The following SPAG16 variants were observed in gnomAD, a reference collection of about 807,000 sequenced individuals.
The protein encoded by SPAG16 is sperm-associated antigen 16 protein.
SPAG16 carries 86 observed loss-of-function variants against 80.4 expected under a neutral mutation model. The ratio of observed to expected loss-of-function variants is 1.07; its 90% CI spans 0.90 to 1.28. The LOEUF (loss-of-function observed/expected upper bound fraction) is 1.28. Ranked by LOEUF, SPAG16 falls within the 50% of genes most tolerant of loss-of-function variation. The pLI, the probability that SPAG16 is intolerant of heterozygous loss-of-function variation, is 0.00. For synonymous variants in SPAG16, 294 were observed against 265.9 expected, an observed-to-expected ratio of 1.11 and a Z score of -1.03; for missense variants, 870 against 765.3, an observed-to-expected ratio of 1.14 and a Z score of -1.61.
chr2:213,344,829 G>T (rs573399499), intron 6 of SPAG16, among the ~76,000 whole-genome samples: 2 of 152,010 alleles, frequency 1.3e-5, no homozygotes, highest in Admixed American at 1.3e-4. Flanking sequence ...GAATAGTGCC[G>T]CAATAAACAT....
chr2:213,727,689 G>A (rs914502185), intron 10 of SPAG16, among the ~76,000 whole-genome samples: 2 of 152,138 alleles, frequency 1.3e-5, no homozygotes, highest in Admixed American at 6.6e-5. Flanking sequence ...GCTATTCCAA[G>A]GATTTTGGTT....
At chr2:214,050,002 C>A (rs2049554475) in intron 13 of SPAG16, among the ~76,000 whole-genome samples, 1 of 152,106 alleles carries the variant, frequency 6.6e-6, no homozygotes, top group African/African-American at 2.4e-5. Context: ...TCATTCCTTT[C>A]AGTGAGAGCT....
At chr2:213,349,685 T>C (rs2065216708) in intron 6 of SPAG16, among the ~76,000 whole-genome samples, 1 of 152,160 alleles carries the variant, frequency 6.6e-6, no homozygotes, top group African/African-American at 2.4e-5. Context: ...CATTGTGGAA[T>C]ATACATACAT....
At chr2:213,624,626 G>T (rs890966611) in intron 10 of SPAG16, among the ~76,000 whole-genome samples, 3 of 152,176 alleles carry the variant, frequency 2.0e-5, no homozygotes, top group Non-Finnish European at 4.4e-5. Context: ...CAGAGCTGCG[G>T]TTTGAACCTA....
intron 9 of SPAG16, among the ~76,000 whole-genome samples, chr2:213,478,356 G>A (rs2073543435): frequency 6.6e-6 from 1 of 152,270 alleles, no homozygotes; most frequent in South Asian, 2.1e-4. Flanking sequence ...CACCTGAGCT[G>A]TTTAGATATC....
At chr2:213,501,489 AT>A (rs752199548) in intron 10 of SPAG16, among the ~76,000 whole-genome samples, 3 of 152,172 alleles carry the variant, frequency 2.0e-5, no homozygotes, top group Non-Finnish European at 2.9e-5. Flanking sequence ...TCTTCCTAAT[AT>A]TTTCTTATGC....
At chr2:213,667,128 G>T (rs1415416378) in intron 10 of SPAG16, among the ~76,000 whole-genome samples, 1 of 152,170 alleles carries the variant, frequency 6.6e-6, no homozygotes, top group Non-Finnish European at 1.5e-5. Context: ...TATAGAAAAA[G>T]TGTTTTAAAA....
Position 213,339,036 on chromosome 2 carries a change from A to G in SPAG16, c.537-1127A>G, listed in dbSNP as rs1202540261. On this transcript the variant is annotated intron_variant, in intron 5 of 15. Transcript: ENST00000331683. Reference sequence around the variant, plus strand: ...GTGCCCCAGAACTTAAAAAAAAAAAAAAGAAAAGAAGAAAGAAACTTGGAA... The same window carrying G: ...GTGCCCCAGAACTTAAAAAAAAAAAGAAGAAAAGAAGAAAGAAACTTGGAA... 2.0e-5 allele frequency among the ~76,000 whole-genome samples: 3 copies of G among 152,066 alleles called. No homozygotes were observed. The East Asian group carries it at 5.8e-4, about 29-fold the overall frequency.
intron 11 of SPAG16, among the ~76,000 whole-genome samples, chr2:213,891,454 C>A (rs1437189236): frequency 6.6e-6 from 1 of 151,786 alleles, no homozygotes. Flanking sequence ...GTGATCTGAC[C>A]CTACACTGAC....
intron 13 of SPAG16, among the ~76,000 whole-genome samples, chr2:214,038,840 G>A (rs2125081964): frequency 6.6e-6 from 1 of 152,166 alleles, no homozygotes; most frequent in Non-Finnish European, 1.5e-5. Context: ...ATGGTTTCCA[G>A]CTTCATCCAT....
At chr2:214,026,569 G>T (rs951802613) in intron 13 of SPAG16, among the ~76,000 whole-genome samples, 2 of 151,446 alleles carry the variant, frequency 1.3e-5, no homozygotes, top group African/African-American at 2.4e-5. Context: ...TAATATATAG[G>T]TTTAATGAAA....
At chr2:213,966,978 A>G (rs1275629379) in intron 12 of SPAG16, among the ~76,000 whole-genome samples, 1 of 152,178 alleles carries the variant, frequency 6.6e-6, no homozygotes, top group Admixed American at 6.5e-5. Context: ...TGCAGGTCAC[A>G]TGCAGCTCTG....
intron 10 of SPAG16, among the ~76,000 whole-genome samples, chr2:213,642,336 A>T (rs1032020159): frequency 2.6e-4 from 39 of 152,300 alleles, no homozygotes; most frequent in Non-Finnish European, 4.7e-4. Context: ...TGGGAGCTAC[A>T]AGTTAGTCTT....
intron 10 of SPAG16, among the ~76,000 whole-genome samples, chr2:213,506,843 C>G (rs2074989227): frequency 6.6e-6 from 1 of 152,162 alleles, no homozygotes; most frequent in African/African-American, 2.4e-5. Flanking sequence ...AATACCTGAT[C>G]TTAACTGTTT....
chr2:213,678,121 G>A (rs2064188340), intron 10 of SPAG16, among the ~76,000 whole-genome samples: 1 of 152,126 alleles, frequency 6.6e-6, no homozygotes, highest in South Asian at 2.1e-4. Flanking sequence ...TCAAAGCAGT[G>A]TGTAGAGGGA....
At chr2:214,375,234 A>G (rs1700057869) in intron 15 of SPAG16, among the ~76,000 whole-genome samples, 1 of 152,138 alleles carries the variant, frequency 6.6e-6, no homozygotes, top group Admixed American at 6.6e-5. Context: ...ATGGTTTTCT[A>G]GTGTAAATAA....
Position 213,629,458 on chromosome 2 carries a change from T to C in SPAG16, c.1070+139368T>C, listed in dbSNP as rs2062067642. On this transcript the variant is annotated intron_variant, in intron 10 of 15. Coordinates refer to ENST00000331683, the MANE Select transcript of SPAG16 (RefSeq NM_024532.5). The stretch of plus-strand genomic sequence containing the variant: ...ATGATCCCAAAAGAAAGACACAAAA[T>C]TGACTTTATGTTCTTCAGAATCCAA... Among the ~76,000 whole-genome samples, 3 of 152,212 alleles carry C rather than the reference T, an allele frequency of 2.0e-5. No homozygotes were observed. The South Asian group carries it at 6.2e-4, about 32-fold the overall frequency.
At chr2:213,334,675 G>C (rs747711573) in intron 5 of SPAG16, among the ~76,000 whole-genome samples, 2 of 152,142 alleles carry the variant, frequency 1.3e-5, no homozygotes, top group Non-Finnish European at 2.9e-5. Flanking sequence ...ACTGAAGGTC[G>C]TTATGTTAAG....
At chr2:214,330,084 T>G (rs940444650) in intron 15 of SPAG16, among the ~76,000 whole-genome samples, 23 of 147,676 alleles carry the variant, frequency 1.6e-4, no homozygotes, top group African/African-American at 5.5e-4. Flanking sequence ...CTGGCCAACA[T>G]GATGAAACCC....
Sources: gnomAD v4.1 joint callset for allele counts (sites outside exome capture counted in the v4.1 genomes callset) on GRCh38, gnomAD v4.1.1 for gene constraint, MANE v1.5 for transcripts, NCBI Gene and HGNC (gene_info 2026-07-23, HGNC 2026-07-21) for gene names.